The following NTNG2 variants were observed in gnomAD, a reference collection of about 807,000 sequenced individuals.
NTNG2 encodes netrin-G2.
A neutral mutation model predicts 47.6 loss-of-function variants in NTNG2; 15 were observed. That is an observed-to-expected ratio of 0.32 (90% confidence interval 0.21 to 0.49). The LOEUF is 0.49. Among genes scored for constraint, NTNG2 ranks in the 20% least tolerant of loss-of-function variants. The pLI, the probability that NTNG2 is intolerant of heterozygous loss-of-function variation, is 0.99. For synonymous variants in NTNG2, 307 were observed against 324.6 expected, an observed-to-expected ratio of 0.95 and a Z score of 0.58; for missense variants, 578 against 764.6, an observed-to-expected ratio of 0.76 and a Z score of 2.88.
Position 132,216,414 on chromosome 9 carries a change from C to CTCTCTCTGTG in NTNG2, c.858-10434_858-10433insCTCTCTGTGT, listed in dbSNP as rs1554790515. 1.9e-3 allele frequency among the ~76,000 whole-genome samples: 213 copies of CTCTCTCTGTG among 110,332 alleles called. 5 individuals are homozygous for CTCTCTCTGTG. The highest frequency in any genetic ancestry group is 5.6e-3 in the African/African-American group (116 of 20,552). 72.4% of individuals were successfully genotyped at this position (110,332 alleles called of 152,430 possible). On this transcript the variant is annotated intron_variant, in intron 3 of 7. Coordinates refer to ENST00000393229, the MANE Select transcript of NTNG2 (RefSeq NM_032536.4). ...TCTCTCTCTCTCTCTCTCTCTCTCT[C>CTCTCTCTGTG]TGTGTGTGTGTGTATGTGTGTGTGT...
intron 3 of NTNG2, among the ~76,000 whole-genome samples, chr9:132,216,913 G>T (rs963444145): frequency 3.5e-4 from 54 of 152,338 alleles, no homozygotes; most frequent in Middle Eastern, 3.4e-3. Context: ...CTGGGCCACA[G>T]AATTGGTAAG....
At chr9:132,216,124 G>A (rs1371280231) in intron 3 of NTNG2, among the ~76,000 whole-genome samples, 3 of 152,102 alleles carry the variant, frequency 2.0e-5, no homozygotes, top group South Asian at 2.1e-4. Context: ...TGGCCACCGC[G>A]CTACCTGGTG....
rs1383473001 is a variant in NTNG2, at chr9:132,236,081, C to T, written c.1055-3023C>T. ...CCACGACAGGAACCCCCCTCTCCAG[C>T]TGCCCTTGCTCACAGGACACCTGGG... On this transcript the variant is annotated intron_variant, in intron 5 of 7. Coordinates refer to ENST00000393229, the MANE Select transcript of NTNG2 (RefSeq NM_032536.4). The surrounding 1 kb of genome is among the most constrained non-coding windows in gnomAD (Gnocchi z 4.3). 6.6e-6 allele frequency among the ~76,000 whole-genome samples: 1 copy of T among 152,258 alleles called. No individual in the cohort carries two copies. Among genetic ancestry groups the T allele is most frequent in the African/African-American group, 2.4e-5 (1 of 41,460 alleles).
chr9:132,185,570 C>G (rs942564659), intron 2 of NTNG2, among the ~76,000 whole-genome samples: 2 of 152,108 alleles, frequency 1.3e-5, no homozygotes, highest in Non-Finnish European at 2.9e-5. Flanking sequence ...TAAGCATTTT[C>G]TAAGTCCTGA....
chr9:132,189,088 T>TTTTTTTTTTTTTTTTTTTTTTTTTTTG, intron 2 of NTNG2, among the ~76,000 whole-genome samples: 1 of 133,962 alleles, frequency 7.5e-6, no homozygotes, highest in Non-Finnish European at 1.6e-5. Flanking sequence ...TTTTTTTTTT[T>TTTTTTTTTTTTTTTTTTTTTTTTTTTG]TTTTTTTAGA....
chr9:132,199,155 G>A (rs938129915), intron 3 of NTNG2, among the ~76,000 whole-genome samples: 1 of 152,134 alleles, frequency 6.6e-6, no homozygotes, highest in Non-Finnish European at 1.5e-5. Context: ...TGCATGTGTT[G>A]GAGGTGTGGA....
chr9:132,192,249 G>A (rs550082842), intron 2 of NTNG2, among the ~76,000 whole-genome samples: 1 of 152,300 alleles, frequency 6.6e-6, no homozygotes, highest in East Asian at 1.9e-4. Context: ...GGGGACTGGG[G>A]TAAACTGGTC....
chr9:132,179,756 G>A (rs1232345342), intron 2 of NTNG2, among the ~76,000 whole-genome samples: 3 of 152,210 alleles, frequency 2.0e-5, no homozygotes, highest in African/African-American at 7.2e-5. Context: ...GCAGGGAGGT[G>A]GAGATGCTGA....
In NTNG2 at chr9:132,221,616, C is replaced by T. The variant is rs536005189; in HGVS notation, c.858-5233C>T. The stretch of plus-strand genomic sequence containing the variant: ...CACTGTGCTTGTTCTGGGGCTCAGC[C>T]AGCGAGTTGAAGAGGCCGGGACATC... On this transcript the variant is annotated intron_variant, in intron 3 of 7. Transcript: ENST00000393229. This position sits in a 1 kb window ranked among gnomAD's most constrained non-coding sequence, Gnocchi z 4.2. Among the ~76,000 whole-genome samples, 1 of 152,322 alleles carries T rather than the reference C, an allele frequency of 6.6e-6. No homozygotes were observed. Among genetic ancestry groups the T allele is most frequent in the South Asian group, 2.1e-4 (1 of 4,824 alleles).
At chr9:132,195,292 T>C (rs978667593) in intron 2 of NTNG2, among the ~76,000 whole-genome samples, 2 of 151,076 alleles carry the variant, frequency 1.3e-5, no homozygotes, top group Non-Finnish European at 2.9e-5. Context: ...GGGGGATTTC[T>C]CTTTTTTTTG....
intron 3 of NTNG2, among the ~76,000 whole-genome samples, chr9:132,224,738 C>G (rs1420595220): frequency 6.6e-6 from 1 of 152,190 alleles, no homozygotes; most frequent in Non-Finnish European, 1.5e-5. Context: ...AGAGCACACT[C>G]TGTCTCTCTT....
In NTNG2 at chr9:132,215,778, C is replaced by A. The variant is rs939996706; in HGVS notation, c.858-11071C>A. Among the ~76,000 whole-genome samples, 2 of 152,048 alleles carry A rather than the reference C, an allele frequency of 1.3e-5. No individual in the cohort carries two copies. The highest frequency in any genetic ancestry group is 2.9e-5 in the Non-Finnish European group (2 of 67,998). Reference sequence around the variant, plus strand: ...GGACAGCATGAATAAGGGGCCCTGCCCTTGGGGTCAGGCACCTCAGGGCTG... The same window carrying A: ...GGACAGCATGAATAAGGGGCCCTGCACTTGGGGTCAGGCACCTCAGGGCTG... On this transcript the variant is annotated intron_variant, in intron 3 of 7. Transcript: ENST00000393229. The surrounding 1 kb of genome is among the most constrained non-coding windows in gnomAD (Gnocchi z 4.2).
chr9:132,203,075 T>C (rs1290366898), intron 3 of NTNG2, among the ~76,000 whole-genome samples: 1 of 152,064 alleles, frequency 6.6e-6, no homozygotes, highest in African/African-American at 2.4e-5. Context: ...GCTGCCTAGA[T>C]ATGAGGCCAT....
At chr9:132,187,799 G>A (rs1353609842) in intron 2 of NTNG2, among the ~76,000 whole-genome samples, 1 of 152,244 alleles carries the variant, frequency 6.6e-6, no homozygotes, top group African/African-American at 2.4e-5. Flanking sequence ...TCTCCCTGGA[G>A]TCAGGGGAGG....
chr9:132,207,526 A>G (rs1839259856), intron 3 of NTNG2, among the ~76,000 whole-genome samples: 1 of 152,222 alleles, frequency 6.6e-6, no homozygotes, highest in South Asian at 2.1e-4. Flanking sequence ...ACATCGGATA[A>G]GGGCCCGCCC....
Position 132,198,277 on chromosome 9 carries a change from C to T in NTNG2, c.525C>T (p.Phe175=), listed in dbSNP as rs889123876. Reference sequence around the variant, plus strand: ...ACGCCGAGGACTGCATGGAGGCCTTCGGTATGTCCGCCCGCCGGGCCCGCG... The same window carrying T: ...ACGCCGAGGACTGCATGGAGGCCTTTGGTATGTCCGCCCGCCGGGCCCGCG... ...QFYAEDCMEA[F]GMSARRARDM... Residue 175 remains phenylalanine, a synonymous_variant, in exon 3 of 8, where the codon TTC becomes TTT. Transcript: ENST00000393229. 3.1e-6 allele frequency: 5 copies of T among 1,611,308 alleles called. No homozygotes were observed. The African/African-American group carries it at 5.3e-5, about 17-fold the overall frequency.
Position 132,239,200 on chromosome 9 carries a change from A to G in NTNG2, c.1151A>G (p.His384Arg). ...TGCAAGCACAACACGCGAGGTCAGCACTGCCAGCACTGCCGGCTGGGCTAC... is the reference window on the plus strand; with the variant it reads ...TGCAAGCACAACACGCGAGGTCAGCGCTGCCAGCACTGCCGGCTGGGCTAC... ...VSCKHNTRGQ[H>R]CQHCRLGYYR... is the part of the protein sequence containing the mutation. The change falls in exon 6 of 8, where the codon CAC (histidine) becomes CGC (arginine). Residue 384 changes from histidine to arginine, a missense_variant. By Grantham distance (29) the His-to-Arg change is conservative (BLOSUM62 0). Transcript: ENST00000393229. The G allele has an allele frequency of 6.2e-7, 1 of 1,613,838 alleles. No individual in the cohort carries two copies. The highest frequency in any genetic ancestry group is 1.1e-5 in the South Asian group (1 of 91,092).
chr9:132,202,133 G>T (rs886771551), intron 3 of NTNG2, among the ~76,000 whole-genome samples: 19 of 152,216 alleles, frequency 1.2e-4, no homozygotes, highest in Admixed American at 1.2e-3. Context: ...ATGATGGAGC[G>T]ATCCCACGGG....
intron 3 of NTNG2, among the ~76,000 whole-genome samples, chr9:132,223,280 G>A (rs10901138): frequency 0.55 from 84,030 of 152,044 alleles, 23,852 homozygotes; most frequent in African/African-American, 0.69. Context: ...CGCAGGGGCC[G>A]CTGTTTCCCC....
Sources: gnomAD v4.1 joint callset for allele counts (sites outside exome capture counted in the v4.1 genomes callset) on GRCh38, gnomAD v4.1.1 for gene constraint, Gnocchi (gnomAD v3.1) non-coding constraint, MANE v1.5 for transcripts, NCBI Gene and HGNC (gene_info 2026-07-23, HGNC 2026-07-21) for gene names.